The following KANK4 variants were observed in gnomAD, a reference collection of about 807,000 sequenced individuals.
KANK4 encodes the protein KN motif and ankyrin repeat domains 4.
A neutral mutation model predicts 80.8 loss-of-function variants in KANK4; 50 were observed. The observed-to-expected ratio is 0.62, with a 90% confidence interval of 0.49 to 0.78. The LOEUF (loss-of-function observed/expected upper bound fraction) is 0.78. KANK4 is among the 30% of genes least tolerant of loss of function. The pLI, the probability that KANK4 is intolerant of heterozygous loss-of-function variation, is 0.00. For synonymous variants in KANK4, 465 were observed against 506.9 expected (o/e 0.92, Z 1.11); for missense variants, 1,196 against 1,240.1 (o/e 0.96, Z 0.53).
At chr1:62,283,174 A>T (rs373219964) in intron 1 of KANK4, among the ~76,000 whole-genome samples, 1 of 152,192 alleles carries the variant, frequency 6.6e-6, no homozygotes, top group Non-Finnish European at 1.5e-5. Context: ...AGAAGAAAAG[A>T]GTGAGGTGGC....
chr1:62,294,727 A>C (rs1438054798), intron 1 of KANK4, among the ~76,000 whole-genome samples: 1 of 152,216 alleles, frequency 6.6e-6, no homozygotes, highest in East Asian at 1.9e-4. Flanking sequence ...CCCTCTGGCA[A>C]GTTCAGTCTG....
rs769448122 is a variant in KANK4 at position 62,273,211 on chromosome 1, C to T, written c.1893G>A (p.Pro631=). ...TATATTGATGGTATTTACCCACTGG[C>T]GGGGAGGAGGAGGAGGCCGGTGGCT... is the stretch of plus-strand genomic sequence containing the variant. ...PKEPPASSSS[P]PVEISPSTSL... Residue 631 remains proline (P), a synonymous_variant, in exon 3 of 10, where the codon CCG becomes CCA. Coordinates refer to ENST00000371153, the MANE Select transcript of KANK4 (RefSeq NM_181712.5). The T allele has an allele frequency of 2.0e-5, 30 of 1,511,576 alleles. No homozygotes were observed. The highest frequency in any genetic ancestry group is 1.3e-4 in the South Asian group (10 of 74,164). The allele number at this position is 1,511,576 out of a possible 1,614,324, so 93.6% of individuals were successfully genotyped here.
intron 5 of KANK4, 75 bp from the exon 6 acceptor site, chr1:62,266,894 C>CA: frequency 1.1e-6 from 1 of 943,952 alleles, no homozygotes; most frequent in Non-Finnish European, 1.6e-6. Context: ...TCACTCTCCT[C>CA]CTCTTTCACA....
chr1:62,252,158 A>T (rs1304833194), intron 8 of KANK4, among the ~76,000 whole-genome samples: 1 of 152,176 alleles, frequency 6.6e-6, no homozygotes, highest in Non-Finnish European at 1.5e-5. Context: ...ACCTGGTAGG[A>T]TTTTGCAAAA....
chr1:62,267,064 C>T (rs1672038962), intron 5 of KANK4, among the ~76,000 whole-genome samples: 1 of 151,728 alleles, frequency 6.6e-6, no homozygotes, highest in Non-Finnish European at 1.5e-5. Flanking sequence ...TTGTCAGGGG[C>T]TGGGGCCAAT....
chr1:62,275,630 A>G lies in KANK4; in HGVS notation c.17-543T>C, dbSNP rs565903785. On this transcript the variant is annotated intron_variant, in intron 2 of 9. Transcript: ENST00000371153. ...GGTATCAATGAGTTATGCCGTTTACATTATTTAAGCTTGTGCAGATGCCTG... is the reference window on the plus strand; with the variant it reads ...GGTATCAATGAGTTATGCCGTTTACGTTATTTAAGCTTGTGCAGATGCCTG... Among the ~76,000 whole-genome samples, 7 of 152,338 alleles carry G rather than the reference A, an allele frequency of 4.6e-5. No homozygotes were observed. The South Asian group carries it at 8.3e-4, about 18-fold the overall frequency.
At chr1:62,256,810 T>C (rs951446798) in intron 7 of KANK4, among the ~76,000 whole-genome samples, 2 of 152,206 alleles carry the variant, frequency 1.3e-5, no homozygotes, top group South Asian at 4.1e-4. Flanking sequence ...ACCACTGCCA[T>C]GAGCCGGCAG....
chr1:62,273,898 G>A lies in KANK4; in HGVS notation c.1206C>T (p.Asn402=), dbSNP rs142146326. Residue 402 remains asparagine, a synonymous_variant, in exon 3 of 10, where the codon AAC becomes AAT. Coordinates refer to ENST00000371153, the MANE Select transcript of KANK4 (RefSeq NM_181712.5). ...AQLEGQFHQE[N]AKDTQGQTDV... ...CCGTCTGGCCCTGAGTGTCTTTGGC[G>A]TTCTCTTGGTGAAACTGTCCTTCCA... 16 of 1,614,080 alleles carry A rather than the reference G, an allele frequency of 9.9e-6. No individual in the cohort carries two copies. The highest frequency in any genetic ancestry group is 4.0e-5 in the African/African-American group (3 of 74,910).
Position 62,247,475 on chromosome 1 carries a change from G to C in KANK4, c.2880C>G (p.Asp960Glu), listed in dbSNP as rs1382951023. Residue 960 changes from aspartate (D) to glutamate (E), a missense_variant, in exon 9 of 10, where the codon GAC (aspartate) becomes GAG (glutamate). Asp to Glu is a conservative substitution (Grantham distance 45). Around this residue, in one of 3 missense-constraint regions of KANK4, gnomAD observed 1,154 missense variants for 1,179.6 expected, o/e 0.98. Coordinates refer to ENST00000371153, the MANE Select transcript of KANK4 (RefSeq NM_181712.5). Reference protein sequence around the residue: ...AHPACDSSLTDKAGRTALSIA... With the variant: ...AHPACDSSLTEKAGRTALSIA... ...GTTAATTGCCTGTAAGTCTCACCTT[G>C]TCAGTCAGGCTGCTGTCGCAGGCTG... The C allele has an allele frequency of 1.2e-6, 2 of 1,613,648 alleles. No homozygotes were observed. The highest frequency in any genetic ancestry group is 1.7e-5 in the Admixed American group (1 of 59,996).
At chr1:62,303,993 C>T (rs1644432139) in intron 1 of KANK4, among the ~76,000 whole-genome samples, 1 of 151,990 alleles carries the variant, frequency 6.6e-6, no homozygotes, top group Non-Finnish European at 1.5e-5. Flanking sequence ...CCAACCTCAG[C>T]CTCCCAAGTA....
chr1:62,242,683 G>A (rs1230131939), intron 9 of KANK4, among the ~76,000 whole-genome samples: 6 of 152,088 alleles, frequency 3.9e-5, no homozygotes, highest in East Asian at 1.9e-4. Context: ...CATTTATACC[G>A]AACTTTAAAT....
intron 2 of KANK4, among the ~76,000 whole-genome samples, chr1:62,280,551 G>A (rs34863215): frequency 6.6e-6 from 1 of 152,202 alleles, no homozygotes; most frequent in Non-Finnish European, 1.5e-5. Context: ...CCCGTGAAGG[G>A]CCATGTGATT....
chr1:62,287,267 G>A (rs757282514), intron 1 of KANK4, among the ~76,000 whole-genome samples: 11 of 152,194 alleles, frequency 7.2e-5, no homozygotes, highest in South Asian at 2.1e-4. Context: ...CCAGGAAAGC[G>A]TCTGGGTTCC....
rs59682816 is a variant in KANK4 at position 62,279,794 on chromosome 1, A to T, written c.16+1755T>A. ...TCCCTACAGCTCAAGAGTGAATGAG[A>T]GTCCAAGAAAATAATTCTGGAGAAA... is the stretch of plus-strand genomic sequence containing the variant. On this transcript the variant is annotated intron_variant, in intron 2 of 9. Transcript: ENST00000371153. Among the ~76,000 whole-genome samples the T allele has an allele frequency of 2.9e-3, 447 of 152,316 alleles. 3 individuals carry two copies. Among genetic ancestry groups the T allele is most frequent in the African/African-American group, 0.01 (434 of 41,572 alleles).
At chr1:62,298,933 AT>A (rs893856257) in intron 1 of KANK4, among the ~76,000 whole-genome samples, 74 of 114,106 alleles carry the variant, frequency 6.5e-4, no homozygotes, top group Non-Finnish European at 8.9e-4. Flanking sequence ...TCTATGTATT[AT>A]TTTTTTTTTT....
chr1:62,277,107 C>T (rs746080693), intron 2 of KANK4, among the ~76,000 whole-genome samples: 3 of 152,176 alleles, frequency 2.0e-5, no homozygotes, highest in Non-Finnish European at 4.4e-5. Flanking sequence ...TCAGCCTCTG[C>T]CTTCAAAGGA....
At chr1:62,283,105 C>T (rs1672486642) in intron 1 of KANK4, among the ~76,000 whole-genome samples, 1 of 152,202 alleles carries the variant, frequency 6.6e-6, no homozygotes, top group Admixed American at 6.5e-5. Context: ...ACCACCCCAG[C>T]TCTGCAGTCT....
At chr1:62,314,045 C>T (rs1028896411) in intron 1 of KANK4, among the ~76,000 whole-genome samples, 9 of 152,202 alleles carry the variant, frequency 5.9e-5, no homozygotes, top group Middle Eastern at 6.8e-3. Context: ...TGAAGTCTTG[C>T]TCTTGCCGCC....
At chr1:62,266,898 T>TCC in intron 5 of KANK4, 79 bp from the exon 6 acceptor site, 1 of 922,598 alleles carries the variant, frequency 1.1e-6, no homozygotes, top group Non-Finnish European at 1.7e-6. Flanking sequence ...TCTCCTCCTC[T>TCC]TTCACATCTC....
Sources: allele counts gnomAD v4.1 joint callset (sites outside exome capture counted in the v4.1 genomes callset), GRCh38; gene constraint gnomAD v4.1.1; regional missense constraint gnomAD v4.1.1; transcripts MANE v1.5; gene names NCBI Gene and HGNC (gene_info 2026-07-23, HGNC 2026-07-21).